POGZ: variants seen among roughly 807,000 people sequenced by gnomAD.
POGZ encodes pogo transposable element derived with ZNF domain.
In POGZ, 17 loss-of-function variants were observed where a neutral mutation model predicts 134.6. The observed-to-expected ratio is 0.13, with a 90% CI of 0.09 to 0.19. The LOEUF (loss-of-function observed/expected upper bound fraction) is 0.19, where lower values mean the gene tolerates loss of function less well. POGZ is among the 10% of genes least tolerant of loss of function. POGZ has a pLI of 1.00. For synonymous variants in POGZ, 693 were observed against 657.1 expected (o/e 1.05, Z -0.84); for missense variants, 1,306 against 1,769.7 (o/e 0.74, Z 4.70).
intron 7 of POGZ, chr1:151,426,552 T>G (rs1289333420): frequency 1.3e-5 from 2 of 152,182 alleles, no homozygotes; most frequent in East Asian, 1.9e-4. Flanking sequence ...CACAAATTCT[T>G]TATATATTCT....
Position 151,423,982 on chromosome 1 carries a change from G to A in POGZ, c.1490C>T (p.Pro497Leu). The A allele has an allele frequency of 6.2e-7, 1 of 1,614,082 alleles. No individual in the cohort carries two copies. Among genetic ancestry groups the A allele is most frequent in the Non-Finnish European group, 8.5e-7 (1 of 1,179,974 alleles). ...FPKVATSFRC[P>L]HCTKRLKNNI... ...GTTTTTTAGCCTTTTGGTACAATGTGGGCATCGGAAAGATGTGGCGACCTT... is the reference window on the plus strand; with the variant it reads ...GTTTTTTAGCCTTTTGGTACAATGTAGGCATCGGAAAGATGTGGCGACCTT... The change falls in exon 9 of 19, where the codon CCA becomes CTA. Residue 497 changes from proline to leucine, a missense_variant. Pro to Leu is a moderately conservative substitution (Grantham distance 98). This residue lies in a region of POGZ where 541 missense variants were observed against 680.5 expected (regional missense o/e 0.80). Transcript: ENST00000271715.
In POGZ at chr1:151,408,715, C is replaced by T. The variant is rs181887130; in HGVS notation, c.2040G>A (p.Glu680=). 1.1e-5 allele frequency: 17 copies of T among 1,614,032 alleles called. No homozygotes were observed. The African/African-American group carries it at 1.3e-4, about 13-fold the overall frequency. Residue 680 remains glutamate, a synonymous_variant, in exon 13 of 19, where the codon GAG becomes GAA. Coordinates refer to ENST00000271715, the MANE Select transcript of POGZ (RefSeq NM_015100.4). The part of the protein sequence containing the change: ...HKTFRKPKQL[E]GLKPGTKVTI... ...TTACCTTGGTGCCTGGTTTCAAGCC[C>T]TCCAGCTGCTTGGGTTTACGGAAGG...
intron 1 of POGZ, among the ~76,000 whole-genome samples, chr1:151,446,894 T>C (rs968609651): frequency 1.3e-5 from 2 of 152,088 alleles, no homozygotes; most frequent in African/African-American, 4.8e-5. Flanking sequence ...CTAATTTTAA[T>C]GATACAAATT....
intron 14 of POGZ, 25 bp downstream of exon 14, chr1:151,408,384 C>T: frequency 6.3e-7 from 1 of 1,575,584 alleles, no homozygotes; most frequent in Non-Finnish European, 8.6e-7. Flanking sequence ...CCCCACCCGC[C>T]CAGCACTTAG....
At chr1:151,412,195 C>T in intron 11 of POGZ, 101 bp downstream of exon 11, 1 of 650,016 alleles carries the variant, frequency 1.5e-6, no homozygotes, top group Non-Finnish European at 2.7e-6. Flanking sequence ...AGTTCCTAAA[C>T]TGAGTGTATG....
intron 9 of POGZ, 144 bp downstream of exon 9, chr1:151,423,805 T>G: frequency 1.5e-6 from 1 of 685,362 alleles, no homozygotes; most frequent in East Asian, 2.7e-5. Context: ...TCTCCTTCTA[T>G]AGTCCTAGTT....
chr1:151,424,196 G>A lies in POGZ; in HGVS notation c.1276C>T (p.Pro426Ser). 6.2e-7 allele frequency: 1 copy of A among 1,614,026 alleles called. No homozygotes were observed. Among genetic ancestry groups the A allele is most frequent in the Non-Finnish European group, 8.5e-7 (1 of 1,179,932 alleles). ...GAAGCAACAGGAGCTGTTTTCTCAG[G>A]GGATGGGGGCTTTGCTGCTGATGGG... Reference protein sequence around the residue: ...SVPSAAKPPSPEKTAPVASTP... With the variant: ...SVPSAAKPPSSEKTAPVASTP... The change falls in exon 9 of 19, where the codon CCT becomes TCT. Residue 426 changes from proline (P) to serine (S), a missense_variant. This residue lies in a region of POGZ where 541 missense variants were observed against 680.5 expected (regional missense o/e 0.80). Transcript: ENST00000271715.
chr1:151,431,388 CTATTT>C (rs1187886929), intron 3 of POGZ, among the ~76,000 whole-genome samples: 1 of 152,068 alleles, frequency 6.6e-6, no homozygotes, highest in East Asian at 1.9e-4. Flanking sequence ...TAGGTAAAAC[CTATTT>C]TATTAGAAGA....
chr1:151,431,989 C>T (rs1658767772), intron 3 of POGZ, among the ~76,000 whole-genome samples: 1 of 151,896 alleles, frequency 6.6e-6, no homozygotes, highest in Admixed American at 6.6e-5. Context: ...GCCAACACAG[C>T]AAAACGCTGT....
Position 151,412,257 on chromosome 1 carries a change from G to A in POGZ, c.1779+39C>T, listed in dbSNP as rs3748550. On this transcript the variant is annotated intron_variant, in intron 11 of 18. Transcript: ENST00000271715. ...GTAAATTCTTTGTATTCTTCCTGAGGGCAAAACTGCTAAAACTCCCTGGAG... is the reference window on the plus strand; with the variant it reads ...GTAAATTCTTTGTATTCTTCCTGAGAGCAAAACTGCTAAAACTCCCTGGAG... The A allele has an allele frequency of 0.82, 896,797 of 1,099,150 alleles. 367,067 individuals are homozygous for A. Among genetic ancestry groups the A allele is most frequent in the African/African-American group, 0.83 (53,481 of 64,284 alleles). 68.1% of individuals were successfully genotyped at this position (1,099,150 alleles called of 1,614,324 possible).
rs1653423961 is a variant in POGZ at position 151,405,559 on chromosome 1, A to G, written c.3476T>C (p.Val1159Ala). 4 of 1,614,212 alleles carry G rather than the reference A, an allele frequency of 2.5e-6. No individual in the cohort carries two copies. Among genetic ancestry groups the G allele is most frequent in the Middle Eastern group, 1.6e-4 (1 of 6,062 alleles). Residue 1159 changes from valine to alanine, a missense_variant, in exon 19 of 19, where the codon GTA (valine) becomes GCA (alanine). Around this residue, in one of 10 missense-constraint regions of POGZ, gnomAD observed 161 missense variants for 185.4 expected, o/e 0.87. Coordinates refer to ENST00000271715, the MANE Select transcript of POGZ (RefSeq NM_015100.4). The surrounding 1 kb of genome is among the most constrained non-coding windows in gnomAD (Gnocchi z 4.9). The part of the protein sequence containing the change: ...TVGTGEPWCD[V>A]VLAILADGTV... ...GCCATCTGCCAGAATGGCTAGGACT[A>G]CATCACACCAAGGTTCCCCTGTGCC...
chr1:151,418,204 A>G (rs1387347977), intron 10 of POGZ, among the ~76,000 whole-genome samples: 2 of 151,876 alleles, frequency 1.3e-5, no homozygotes, highest in East Asian at 1.9e-4. Context: ...CGACATAGCA[A>G]GACTCCTTCT....
chr1:151,407,052 A>G, intron 16 of POGZ, 29 bp from the exon 17 acceptor site: 1 of 1,549,952 alleles, frequency 6.5e-7, no homozygotes, highest in Non-Finnish European at 8.9e-7. Flanking sequence ...ACTATGTAAG[A>G]CAAACACAGC....
intron 3 of POGZ, among the ~76,000 whole-genome samples, chr1:151,439,398 T>A (rs1267944817): frequency 6.6e-6 from 1 of 152,126 alleles, no homozygotes; most frequent in Non-Finnish European, 1.5e-5. Context: ...TTGGAAATCA[T>A]GGAGGTTTTA....
At chr1:151,452,175 T>C (rs945824899) in intron 1 of POGZ, among the ~76,000 whole-genome samples, 1 of 149,180 alleles carries the variant, frequency 6.7e-6, no homozygotes, top group Non-Finnish European at 1.5e-5. Context: ...TTGCTTAAGG[T>C]CAGGAGTTCA....
chr1:151,436,871 A>G (rs1659671247), intron 3 of POGZ, among the ~76,000 whole-genome samples: 1 of 152,136 alleles, frequency 6.6e-6, no homozygotes, highest in Non-Finnish European at 1.5e-5. Flanking sequence ...TAGGAGTAGA[A>G]CTGCTGGGTT....
At chr1:151,443,572 G>T (rs1660862921) in intron 1 of POGZ, among the ~76,000 whole-genome samples, 1 of 152,056 alleles carries the variant, frequency 6.6e-6, no homozygotes, top group Non-Finnish European at 1.5e-5. Flanking sequence ...AAATTAGCCG[G>T]GCGTGGTGGT....
At chr1:151,420,668 A>G (rs958429653) in intron 10 of POGZ, among the ~76,000 whole-genome samples, 2 of 152,218 alleles carry the variant, frequency 1.3e-5, no homozygotes, top group African/African-American at 4.8e-5. Flanking sequence ...TTCACTGTCT[A>G]ATATGGTGGC....
intron 1 of POGZ, among the ~76,000 whole-genome samples, chr1:151,447,468 C>CT (rs992521123): frequency 4.3e-4 from 65 of 151,360 alleles, no homozygotes; most frequent in African/African-American, 1.5e-3. Context: ...TTTTTCTCTT[C>CT]TTTTTTTGTG....
Sources: gnomAD v4.1 joint callset for allele counts (sites outside exome capture counted in the v4.1 genomes callset) on GRCh38, gnomAD v4.1.1 for gene constraint, gnomAD v4.1.1 regional missense constraint, Gnocchi (gnomAD v3.1) non-coding constraint, MANE v1.5 for transcripts, NCBI Gene and HGNC (gene_info 2026-07-23, HGNC 2026-07-21) for gene names.